UMAD1: variants seen among roughly 807,000 people sequenced by gnomAD.
UMAD1 encodes the protein UBAP1-MVB12-associated (UMA) domain containing 1.
A neutral mutation model predicts 6.1 loss-of-function variants in UMAD1; 8 were observed. That is an observed-to-expected ratio of 1.30 (90% CI 0.76 to 2.35). The LOEUF (loss-of-function observed/expected upper bound fraction) is 2.35. Ranked by LOEUF, UMAD1 falls within the 30% of genes most tolerant of loss-of-function variation. The pLI is 0.00. For synonymous variants in UMAD1, 56 were observed against 31.4 expected (o/e 1.78, Z -2.61); for missense variants, 130 against 78.4 (o/e 1.66, Z -2.49).
At chr7:7,643,702 A>G (rs1210877259) in intron 1 of UMAD1, among the ~76,000 whole-genome samples, 1 of 137,262 alleles carries the variant, frequency 7.3e-6, no homozygotes, top group Non-Finnish European at 1.5e-5. Flanking sequence ...ACAGAGCGAG[A>G]CTCCCTCTCA....
chr7:7,707,728 T>G (rs112084453), intron 2 of UMAD1, among the ~76,000 whole-genome samples: 7 of 152,326 alleles, frequency 4.6e-5, no homozygotes, highest in African/African-American at 1.7e-4. Flanking sequence ...ATATAATGCT[T>G]TTTAAAAATC....
chr7:7,695,020 C>T (rs1395208923), intron 2 of UMAD1, among the ~76,000 whole-genome samples: 2 of 152,136 alleles, frequency 1.3e-5, no homozygotes, highest in African/African-American at 4.8e-5. Flanking sequence ...TTTGAGAGTT[C>T]CCCTTTTGCC....
intron 2 of UMAD1, among the ~76,000 whole-genome samples, chr7:7,728,878 G>A (rs114609509): frequency 5.1e-4 from 77 of 152,236 alleles, no homozygotes; most frequent in African/African-American, 1.8e-3. Flanking sequence ...ACTTTGCTGG[G>A]CATTAGGAAT....
intron 1 of UMAD1, among the ~76,000 whole-genome samples, chr7:7,666,697 A>C (rs1013429808): frequency 7.2e-5 from 11 of 151,884 alleles, no homozygotes; most frequent in Non-Finnish European, 1.6e-4. Flanking sequence ...CTGTTTTTTC[A>C]TTATTGAGTT....
At position 7,720,967 on chromosome 7, in the gene UMAD1, C is replaced by T. The variant is rs369140235; in HGVS notation, c.82+47514C>T. 6.6e-4 allele frequency among the ~76,000 whole-genome samples: 101 copies of T among 152,284 alleles called. No homozygotes were observed. The Middle Eastern group carries it at 0.017, about 26-fold the overall frequency. On this transcript the variant is annotated intron_variant, in intron 2 of 3. Transcript: ENST00000682710. ...CATTGGAGTGGGCCCTCCTCCTTCACTGACTGATGTCCTTATAAGAAGAGG... is the reference window on the plus strand; with the variant it reads ...CATTGGAGTGGGCCCTCCTCCTTCATTGACTGATGTCCTTATAAGAAGAGG...
At chr7:7,781,077 C>T (rs530018302) in intron 2 of UMAD1, among the ~76,000 whole-genome samples, 83 of 152,258 alleles carry the variant, frequency 5.5e-4, no homozygotes, top group African/African-American at 1.9e-3. Context: ...GTTCTTGATA[C>T]ATATTGCCAA....
chr7:7,678,599 A>T (rs1239560131), intron 2 of UMAD1, among the ~76,000 whole-genome samples: 9 of 134,678 alleles, frequency 6.7e-5, no homozygotes, highest in Non-Finnish European at 7.7e-5. Context: ...TATATACTTA[A>T]TTTATAGATA....
intron 2 of UMAD1, among the ~76,000 whole-genome samples, chr7:7,748,331 T>G (rs1488422782): frequency 2.6e-5 from 4 of 152,152 alleles, no homozygotes; most frequent in Admixed American, 2.0e-4. Context: ...ATATAATAAT[T>G]CCTTAAACCA....
At chr7:7,855,775 T>C (rs1784006008) in intron 3 of UMAD1, among the ~76,000 whole-genome samples, 1 of 152,260 alleles carries the variant, frequency 6.6e-6, no homozygotes, top group Non-Finnish European at 1.5e-5. Flanking sequence ...AAATGGGTTT[T>C]TATTTTCTAC....
intron 3 of UMAD1, among the ~76,000 whole-genome samples, chr7:7,844,677 C>T (rs1313032097): frequency 6.6e-6 from 1 of 152,150 alleles, no homozygotes; most frequent in East Asian, 1.9e-4. Context: ...TAAAGTTAGA[C>T]TCTAAGAACA....
intron 2 of UMAD1, among the ~76,000 whole-genome samples, chr7:7,717,064 T>C (rs1484099133): frequency 6.8e-6 from 1 of 146,688 alleles, no homozygotes; most frequent in African/African-American, 2.7e-5. Context: ...TTTTTTCTTT[T>C]TTTTTTTTTT....
intron 2 of UMAD1, among the ~76,000 whole-genome samples, chr7:7,787,946 C>T: frequency 6.6e-6 from 1 of 152,184 alleles, no homozygotes; most frequent in East Asian, 1.9e-4. Context: ...TTCACCTAAC[C>T]TATAGCTTCA....
chr7:7,721,784 C>T (rs1463117760), intron 2 of UMAD1, among the ~76,000 whole-genome samples: 1 of 152,120 alleles, frequency 6.6e-6, no homozygotes, highest in African/African-American at 2.4e-5. Context: ...TGAGTGTCAA[C>T]TTGATTGGAT....
chr7:7,686,837 G>A (rs1780052697), intron 2 of UMAD1, among the ~76,000 whole-genome samples: 1 of 152,154 alleles, frequency 6.6e-6, no homozygotes, highest in Admixed American at 6.5e-5. Context: ...TTGTGTTGCA[G>A]ATTCTAGGAA....
At chr7:7,646,707 T>C (rs577708408) in intron 1 of UMAD1, among the ~76,000 whole-genome samples, 1 of 151,850 alleles carries the variant, frequency 6.6e-6, no homozygotes, top group African/African-American at 2.4e-5. Flanking sequence ...GGGAAGATGA[T>C]CTTCCCTTGG....
At chr7:7,729,389 G>T (rs1173486412) in intron 2 of UMAD1, among the ~76,000 whole-genome samples, 2 of 152,174 alleles carry the variant, frequency 1.3e-5, no homozygotes, top group Non-Finnish European at 2.9e-5. Flanking sequence ...GGTTTGAAAT[G>T]ATGTTTCGTT....
intron 2 of UMAD1, chr7:7,772,372 T>C (rs1782118526): frequency 6.6e-6 from 1 of 152,246 alleles, no homozygotes; most frequent in Admixed American, 6.5e-5. Flanking sequence ...CAGTCATTCT[T>C]TAGTCACAGG....
chr7:7,708,810 G>A (rs964485452), intron 2 of UMAD1, among the ~76,000 whole-genome samples: 3 of 152,088 alleles, frequency 2.0e-5, no homozygotes, highest in African/African-American at 7.2e-5. Flanking sequence ...TTAATATGTG[G>A]TTTAAAGGGA....
chr7:7,672,051 A>C (rs1008534828), intron 1 of UMAD1, among the ~76,000 whole-genome samples: 6 of 152,188 alleles, frequency 3.9e-5, no homozygotes, highest in African/African-American at 1.4e-4. Context: ...GGTCAGGCCA[A>C]CCAGCACAAA....
Sources: gnomAD v4.1 joint callset for allele counts (sites outside exome capture counted in the v4.1 genomes callset) on GRCh38, gnomAD v4.1.1 for gene constraint, MANE v1.5 for transcripts, NCBI Gene and HGNC (gene_info 2026-07-23, HGNC 2026-07-21) for gene names.